Variants in SEL1L2 observed in about 807,000 individuals in gnomAD.
SEL1L2 encodes the protein SEL1L2 adaptor subunit of SYVN1 ubiquitin ligase.
Under a neutral mutation model 98.8 loss-of-function variants are expected in SEL1L2, and 89 were observed. The observed-to-expected ratio is 0.90, with a 90% CI of 0.76 to 1.07. The LOEUF (loss-of-function observed/expected upper bound fraction) is 1.07, where lower values mean the gene tolerates loss of function less well. Among genes scored for constraint, SEL1L2 ranks in the 50% least tolerant of loss-of-function variants. SEL1L2 has a pLI of 0.00. For missense variants in SEL1L2, 788 were observed against 812.0 expected (o/e 0.97, Z 0.36); for synonymous variants, 262 against 278.5 (o/e 0.94, Z 0.59).
At chr20:13,920,541 GCACA>G (rs1391820411) in intron 3 of SEL1L2, among the ~76,000 whole-genome samples, 4 of 151,174 alleles carry the variant, frequency 2.6e-5, no homozygotes, top group Admixed American at 6.6e-5. Flanking sequence ...GTGTGCATAT[GCACA>G]CACACACTAT....
intron 2 of SEL1L2, among the ~76,000 whole-genome samples, chr20:13,937,366 G>A (rs551654895): frequency 6.6e-6 from 1 of 152,294 alleles, no homozygotes; most frequent in African/African-American, 2.4e-5. Flanking sequence ...CCCGACATGC[G>A]CACTGGGGGA....
chr20:13,896,506 TC>T lies in SEL1L2; in HGVS notation c.550-7995del, dbSNP rs1322940047. On this transcript the variant is annotated intron_variant, in intron 5 of 19. Transcript: ENST00000284951. ...AAAAACAAACAAATAAACAAACAAC[TC>T]CCCCCCCCCCCACACACAAAAAACT... 7.1e-3 allele frequency among the ~76,000 whole-genome samples: 761 copies of T among 106,548 alleles called. 4 individuals carry two copies. The highest frequency in any genetic ancestry group is 0.022 in the South Asian group (79 of 3,566). The allele number at this position is 106,548 out of a possible 152,430, so 69.9% of individuals were successfully genotyped here. A position where few individuals can be genotyped will look rare whatever the true frequency, so the allele number is the denominator to read the frequency against.
At chr20:13,937,848 C>T (rs943450036) in intron 2 of SEL1L2, among the ~76,000 whole-genome samples, 4 of 152,124 alleles carry the variant, frequency 2.6e-5, no homozygotes, top group African/African-American at 9.7e-5. Flanking sequence ...AAGGAAGGAA[C>T]GTGTTTCACA....
At chr20:13,944,312 C>T (rs1318924460) in intron 2 of SEL1L2, among the ~76,000 whole-genome samples, 8 of 152,140 alleles carry the variant, frequency 5.3e-5, no homozygotes, top group African/African-American at 1.7e-4. Context: ...CAATACATAC[C>T]GTGAGGTGAA....
At chr20:13,920,457 T>C (rs912462539) in intron 3 of SEL1L2, among the ~76,000 whole-genome samples, 5 of 152,168 alleles carry the variant, frequency 3.3e-5, no homozygotes, top group African/African-American at 1.2e-4. Flanking sequence ...TAAAAAATCA[T>C]CACCAGTTTA....
chr20:13,917,907 C>G, intron 4 of SEL1L2, among the ~76,000 whole-genome samples: 1 of 138,102 alleles, frequency 7.2e-6, no homozygotes, highest in African/African-American at 2.7e-5. Context: ...TCAAGAAATT[C>G]TCCTCCCTCA....
chr20:13,859,527 T>A, intron 17 of SEL1L2, 93 bp from the exon 18 acceptor site: 2 of 1,092,206 alleles, frequency 1.8e-6, no homozygotes, highest in Middle Eastern at 2.9e-4. Context: ...TTCAGTCCTT[T>A]AAAATATATA....
chr20:13,976,181 T>G (rs981045360), intron 1 of SEL1L2, among the ~76,000 whole-genome samples: 11 of 152,188 alleles, frequency 7.2e-5, no homozygotes, highest in Middle Eastern at 3.4e-3. Flanking sequence ...TTGGTATTTT[T>G]AGTAGAGACA....
intron 1 of SEL1L2, among the ~76,000 whole-genome samples, chr20:13,985,289 T>C (rs2052107240): frequency 6.6e-6 from 1 of 152,210 alleles, no homozygotes; most frequent in Non-Finnish European, 1.5e-5. Context: ...AAGTTGCTTC[T>C]TACATACTAC....
chr20:13,887,401 A>T (rs2047004994), intron 8 of SEL1L2, among the ~76,000 whole-genome samples: 1 of 152,156 alleles, frequency 6.6e-6, no homozygotes. Context: ...CCTTACATTC[A>T]TTCCTTTAGG....
intron 12 of SEL1L2, among the ~76,000 whole-genome samples, chr20:13,873,073 C>A (rs1030932152): frequency 2.6e-5 from 4 of 151,828 alleles, no homozygotes; most frequent in African/African-American, 4.8e-5. Flanking sequence ...TCACTGCAAC[C>A]TTTGCCTCCT....
intron 8 of SEL1L2, among the ~76,000 whole-genome samples, chr20:13,887,441 T>C (rs762845887): frequency 1.1e-4 from 17 of 152,318 alleles, no homozygotes; most frequent in Non-Finnish European, 2.5e-4. Context: ...ATATTCTGAA[T>C]GTTATATTTA....
In SEL1L2 at chr20:13,877,522, T is replaced by C; in HGVS notation, c.1024A>G (p.Lys342Glu). Residue 342 changes from lysine (K) to glutamate (E), a missense_variant and splice_region_variant, in exon 11 of 20, where the codon AAG (lysine) becomes GAG (glutamate). Coordinates refer to ENST00000284951, the MANE Select transcript of SEL1L2 (RefSeq NM_025229.2). ...ATGAATCAAGATGAAGCATGTACCT[T>C]TCCTATAAATGCCATGGCATTTGCA... is the stretch of plus-strand genomic sequence containing the variant. ...GSANAMAFIGKMYLEGNAAVP... is the reference protein window; with the variant it reads ...GSANAMAFIGEMYLEGNAAVP... The C allele has an allele frequency of 3.1e-6, 5 of 1,608,406 alleles. No individual in the cohort carries two copies. The highest frequency in any genetic ancestry group is 3.4e-6 in the Non-Finnish European group (4 of 1,175,312).
chr20:13,907,922 C>T (rs1468259861), intron 5 of SEL1L2, among the ~76,000 whole-genome samples: 1 of 150,464 alleles, frequency 6.6e-6, no homozygotes, highest in Admixed American at 6.6e-5. Context: ...CACATCCCGG[C>T]ACGTGCCAGC....
intron 18 of SEL1L2, among the ~76,000 whole-genome samples, chr20:13,856,327 G>C (rs1989152428): frequency 6.6e-6 from 1 of 152,036 alleles, no homozygotes; most frequent in African/African-American, 2.4e-5. Flanking sequence ...ACAAGATTTT[G>C]CCATGTTAGC....
chr20:13,989,810 CT>C (rs924445573), intron 1 of SEL1L2, among the ~76,000 whole-genome samples: 12 of 151,494 alleles, frequency 7.9e-5, no homozygotes, highest in South Asian at 2.1e-4. Flanking sequence ...CCAAATATTT[CT>C]TTTTTTTTCC....
chr20:13,894,968 C>A (rs1419273019), intron 5 of SEL1L2, among the ~76,000 whole-genome samples: 8 of 152,168 alleles, frequency 5.3e-5, no homozygotes, highest in African/African-American at 1.9e-4. Flanking sequence ...ATGAGGCCAG[C>A]ATTATCCTGA....
chr20:13,945,742 T>C (rs947339564), intron 2 of SEL1L2, among the ~76,000 whole-genome samples: 8 of 152,080 alleles, frequency 5.3e-5, no homozygotes, highest in African/African-American at 1.7e-4. Context: ...TTATTTACCA[T>C]GACCAAGTGG....
chr20:13,865,886 G>T (rs1038962562), intron 15 of SEL1L2, among the ~76,000 whole-genome samples: 1 of 151,830 alleles, frequency 6.6e-6, no homozygotes, highest in African/African-American at 2.4e-5. Context: ...GAGCACTGCT[G>T]CTCTGCGAGG....
Sources: gnomAD v4.1 joint callset for allele counts (sites outside exome capture counted in the v4.1 genomes callset) on GRCh38, gnomAD v4.1.1 for gene constraint, MANE v1.5 for transcripts, NCBI Gene and HGNC (gene_info 2026-07-23, HGNC 2026-07-21) for gene names.